The following WWOX variants were observed in gnomAD, a reference collection of about 807,000 sequenced individuals.
The protein encoded by WWOX is WW domain-containing oxidoreductase.
Under a neutral mutation model 46.2 loss-of-function variants are expected in WWOX, and 69 were observed. That is an observed-to-expected ratio of 1.49 (90% CI 1.23 to 1.82). The LOEUF (loss-of-function observed/expected upper bound fraction) is 1.82. WWOX is among the 40% of genes most tolerant of loss of function. The pLI, the probability that WWOX is intolerant of heterozygous loss-of-function variation, is 0.00. For synonymous variants in WWOX, 359 were observed against 202.6 expected (o/e 1.77, Z -6.56); for missense variants, 919 against 542.6 (o/e 1.69, Z -6.89).
intron 8 of WWOX, chr16:79,204,848 C>T (rs910026505): frequency 3.9e-5 from 6 of 152,202 alleles, no homozygotes; most frequent in African/African-American, 1.2e-4. Flanking sequence ...ACCTGCTGGT[C>T]TCCAGGCTCG....
chr16:78,659,296 T>G (rs1283144580), intron 8 of WWOX, among the ~76,000 whole-genome samples: 2 of 151,754 alleles, frequency 1.3e-5, no homozygotes, highest in East Asian at 3.9e-4. Context: ...TTCAGCCCAG[T>G]TTTTTCAGTT....
chr16:78,493,930 T>G (rs561760778), intron 8 of WWOX, among the ~76,000 whole-genome samples: 1 of 152,334 alleles, frequency 6.6e-6, no homozygotes, highest in Admixed American at 6.5e-5. Flanking sequence ...TCCAGAAGTT[T>G]ATAATAATTG....
At chr16:78,289,200 A>G (rs2151859486) in intron 5 of WWOX, among the ~76,000 whole-genome samples, 1 of 152,318 alleles carries the variant, frequency 6.6e-6, no homozygotes, top group South Asian at 2.1e-4. Context: ...GCTTCAGGCC[A>G]TGCTGATGTT....
intron 8 of WWOX, among the ~76,000 whole-genome samples, chr16:78,843,826 C>T (rs1354513619): frequency 1.3e-5 from 2 of 152,184 alleles, no homozygotes; most frequent in African/African-American, 2.4e-5. Flanking sequence ...ACCTTCAGCA[C>T]AATCCCTATT....
At chr16:78,852,284 T>C (rs2052462851) in intron 8 of WWOX, among the ~76,000 whole-genome samples, 1 of 152,214 alleles carries the variant, frequency 6.6e-6, no homozygotes, top group Admixed American at 6.5e-5. Flanking sequence ...AGGATTGTCC[T>C]GTGTAACCTA....
intron 8 of WWOX, among the ~76,000 whole-genome samples, chr16:78,634,801 G>C (rs1362919583): frequency 6.7e-6 from 1 of 149,254 alleles, no homozygotes; most frequent in Non-Finnish European, 1.5e-5. Flanking sequence ...TAGAGGCTCA[G>C]CACCCGACTG....
At chr16:78,302,344 G>A (rs966264208) in intron 5 of WWOX, among the ~76,000 whole-genome samples, 1 of 152,004 alleles carries the variant, frequency 6.6e-6, no homozygotes, top group Non-Finnish European at 1.5e-5. Context: ...AAAAGTTTTA[G>A]GATTAATTAT....
intron 8 of WWOX, among the ~76,000 whole-genome samples, chr16:78,874,633 G>C (rs2044197188): frequency 6.6e-6 from 1 of 150,766 alleles, no homozygotes; most frequent in Admixed American, 6.6e-5. Context: ...AATGGGTAGT[G>C]GACAAAAATT....
At chr16:78,970,299 C>G (rs192355165) in intron 8 of WWOX, among the ~76,000 whole-genome samples, 1 of 152,208 alleles carries the variant, frequency 6.6e-6, no homozygotes, top group Admixed American at 6.5e-5. Context: ...ATTCTCTGCC[C>G]TTCCCCACTA....
chr16:78,767,944 C>T (rs958757665), intron 8 of WWOX, among the ~76,000 whole-genome samples: 6 of 151,988 alleles, frequency 3.9e-5, no homozygotes, highest in South Asian at 2.1e-4. Flanking sequence ...TCCAGCACCA[C>T]GAGTTTGGAC....
chr16:78,783,544 G>A (rs921566860), intron 8 of WWOX, among the ~76,000 whole-genome samples: 1 of 152,252 alleles, frequency 6.6e-6, no homozygotes, highest in Non-Finnish European at 1.5e-5. Context: ...GAATGGGCCT[G>A]TAAGAGGTTG....
intron 5 of WWOX, among the ~76,000 whole-genome samples, chr16:78,203,109 G>A (rs969227209): frequency 6.6e-6 from 1 of 152,128 alleles, no homozygotes; most frequent in East Asian, 1.9e-4. Flanking sequence ...AGAAAGGGGA[G>A]GTCAAGTAAA....
intron 8 of WWOX, among the ~76,000 whole-genome samples, chr16:79,009,384 G>T (rs2047257694): frequency 6.6e-6 from 1 of 152,168 alleles, no homozygotes; most frequent in Admixed American, 6.5e-5. Context: ...CTAACTGGGG[G>T]CAAGGAACTG....
intron 8 of WWOX, among the ~76,000 whole-genome samples, chr16:78,861,796 C>G (rs2043890825): frequency 3.9e-5 from 6 of 152,090 alleles, no homozygotes; most frequent in Admixed American, 3.9e-4. Context: ...CTTAAAAAGT[C>G]CAGAAATTGT....
intron 5 of WWOX, among the ~76,000 whole-genome samples, chr16:78,255,395 G>A (rs2038100391): frequency 6.6e-6 from 1 of 152,204 alleles, no homozygotes; most frequent in Admixed American, 6.5e-5. Flanking sequence ...ATATTGCCGA[G>A]AAAGAGAAAT....
At chr16:78,903,196 G>C (rs1328930147) in intron 8 of WWOX, among the ~76,000 whole-genome samples, 2 of 152,226 alleles carry the variant, frequency 1.3e-5, no homozygotes, top group East Asian at 1.9e-4. Context: ...TGGCCACTTG[G>C]GGTACACCCC....
chr16:78,845,963 G>C, intron 8 of WWOX, among the ~76,000 whole-genome samples: 1 of 152,212 alleles, frequency 6.6e-6, no homozygotes, highest in East Asian at 1.9e-4. Context: ...AATTCATTTG[G>C]AAGGGGTGGC....
At chr16:78,990,629 G>A (rs2046868411) in intron 8 of WWOX, among the ~76,000 whole-genome samples, 1 of 152,106 alleles carries the variant, frequency 6.6e-6, no homozygotes, top group Non-Finnish European at 1.5e-5. Context: ...AGGCCAGAAT[G>A]TGATAAAGTA....
chr16:78,947,374 T>A (rs1054201653), intron 8 of WWOX, among the ~76,000 whole-genome samples: 1 of 151,362 alleles, frequency 6.6e-6, no homozygotes, highest in Non-Finnish European at 1.5e-5. Context: ...ATTTTTCTCT[T>A]CCCCCCCTTA....
Sources: allele counts gnomAD v4.1 joint callset (sites outside exome capture counted in the v4.1 genomes callset), GRCh38; gene constraint gnomAD v4.1.1; transcripts MANE v1.5; gene names NCBI Gene and HGNC (gene_info 2026-07-23, HGNC 2026-07-21).